The following TAS1R3 variants were observed in gnomAD, a reference collection of about 807,000 sequenced individuals.
TAS1R3 encodes the protein taste receptor type 1 member 3.
Under a neutral mutation model 46.1 loss-of-function variants are expected in TAS1R3, and 58 were observed. That is an observed-to-expected ratio of 1.26 (90% CI 1.02 to 1.57). TAS1R3 has a LOEUF of 1.57. Ranked by LOEUF, TAS1R3 falls within the 40% of genes most tolerant of loss-of-function variation. TAS1R3 has a pLI of 0.00. For missense variants in TAS1R3, 1,422 were observed against 1,185.8 expected, an observed-to-expected ratio of 1.20 and a Z score of -2.93; for synonymous variants, 724 against 544.7, an observed-to-expected ratio of 1.33 and a Z score of -4.58.
rs150951082 is a variant in TAS1R3, at chr1:1,332,551, G to A, written c.1020G>A (p.Thr340=). ...QLHEFPQYVK[T]HLALATDPAF... is the part of the protein sequence containing the mutation. ...ACGAGTTCCCCCAGTACGTGAAGAC[G>A]CACCTGGCCCTGGCCACCGACCCGG... The change falls in exon 3 of 6, where the codon ACG becomes ACA. Residue 340 remains threonine (T), a synonymous_variant. Transcript: ENST00000339381. 451 of 1,611,548 alleles carry A rather than the reference G, an allele frequency of 2.8e-4. No homozygotes were observed. Among genetic ancestry groups the A allele is most frequent in the Non-Finnish European group, 3.4e-4 (401 of 1,179,944 alleles).
Position 1,334,836 on chromosome 1 carries a change from C to T in TAS1R3, c.*372C>T, listed in dbSNP as rs1317262283. The T allele has an allele frequency of 3.9e-5, 8 of 206,630 alleles. No individual in the cohort carries two copies. The highest frequency in any genetic ancestry group is 1.2e-4 in the East Asian group (1 of 8,298). 12.8% of individuals were successfully genotyped at this position (206,630 alleles called of 1,614,324 possible). ...GCTGGAAGCCCAAATCAGGCCCTGC[C>T]GACCTGACCATGTCCCACCAGGGCC... On this transcript the variant is annotated 3_prime_UTR_variant, in exon 6 of 6. Transcript: ENST00000339381.
chr1:1,333,057 TG>T lies in TAS1R3; in HGVS notation c.1415del (p.Gly472AlafsTer12). 1 of 1,612,708 alleles carries T rather than the reference TG, an allele frequency of 6.2e-7. No homozygotes were observed. The highest frequency in any genetic ancestry group is 8.5e-7 in the Non-Finnish European group (1 of 1,179,914). On this transcript the variant is annotated frameshift_variant, in exon 4 of 6. Coordinates refer to ENST00000339381, the MANE Select transcript of TAS1R3 (RefSeq NM_152228.3). LOFTEE classifies it high-confidence loss of function. Reference sequence around the variant, plus strand: ...GGCTCAGTGCCCAGGCTCCACGACGTGGGCAGGTTCAACGGCAGCCTCAGGA... The same window carrying T: ...GGCTCAGTGCCCAGGCTCCACGACGTGGCAGGTTCAACGGCAGCCTCAGGA... The part of the protein sequence containing the change: ...WQGSVPRLHD[V>X]GRFNGSLRTE...
At position 1,332,080 on chromosome 1, in the gene TAS1R3, C is replaced by T; in HGVS notation, c.549C>T (p.Phe183=). ...LLSARETFPS[F]FRTVPSDRVQ... is the part of the protein sequence containing the mutation. ...GCGCCCGGGAGACCTTCCCCTCCTT[C>T]TTCCGCACCGTGCCCAGCGACCGTG... is the stretch of plus-strand genomic sequence containing the variant. The change falls in exon 3 of 6, where the codon TTC becomes TTT. Residue 183 remains phenylalanine, a synonymous_variant. Coordinates refer to ENST00000339381, the MANE Select transcript of TAS1R3 (RefSeq NM_152228.3). 2 of 1,602,530 alleles carry T rather than the reference C, an allele frequency of 1.2e-6. No homozygotes were observed.
rs1643485883 is a variant in TAS1R3 at position 1,333,678 on chromosome 1, T to C, written c.1773T>C (p.Val591=). 1 of 1,612,010 alleles carries C rather than the reference T, an allele frequency of 6.2e-7. No individual in the cohort carries two copies. Among genetic ancestry groups the C allele is most frequent in the Non-Finnish European group, 8.5e-7 (1 of 1,179,860 alleles). Residue 591 remains valine (V), a synonymous_variant, in exon 6 of 6, where the codon GTT becomes GTC. Transcript: ENST00000339381. ...TGCTGGCTGCTTTGGGGCTGTTCGTTCACCATCGGGACAGCCCACTGGTTC... is the reference window on the plus strand; with the variant it reads ...TGCTGGCTGCTTTGGGGCTGTTCGTCCACCATCGGGACAGCCCACTGGTTC... The part of the protein sequence containing the change: ...GLVLAALGLF[V]HHRDSPLVQA...
intron 5 of TAS1R3, 27 bp downstream of exon 5, chr1:1,333,406 G>A (rs1302631941): frequency 1.2e-6 from 2 of 1,611,072 alleles, no homozygotes; most frequent in African/African-American, 1.3e-5. Flanking sequence ...GCAGGCGGGG[G>A]TGGGAACGCA....
rs963261103 is a variant in TAS1R3 at position 1,333,595 on chromosome 1, T to G, written c.1690T>G (p.Trp564Gly). Residue 564 changes from tryptophan to glycine, a missense_variant, in exon 6 of 6, where the codon TGG (tryptophan) becomes GGG (glycine). Physicochemically the swap from Trp to Gly is radical, Grantham distance 184. Coordinates refer to ENST00000339381, the MANE Select transcript of TAS1R3 (RefSeq NM_152228.3). ...CFRRRSRFLA[W>G]GEPAVLLLLL... Reference sequence around the variant, plus strand: ...CCGCCGCAGGTCTCGGTTCCTGGCATGGGGCGAGCCGGCTGTGCTGCTGCT... The same window carrying G: ...CCGCCGCAGGTCTCGGTTCCTGGCAGGGGGCGAGCCGGCTGTGCTGCTGCT... The G allele has an allele frequency of 1.2e-6, 2 of 1,609,062 alleles. No individual in the cohort carries two copies. Among genetic ancestry groups the G allele is most frequent in the Admixed American group, 3.3e-5 (2 of 60,018 alleles).
rs373372707 is a variant in TAS1R3, at chr1:1,332,780, G to A, written c.1249G>A (p.Ala417Thr). ...TCAGTGCAACGCCTCAGGCTGCCCC[G>A]CGCAGGACCCCGTGAAGCCCTGGCA... Reference protein sequence around the residue: ...TLQCNASGCPAQDPVKPWQLL... With the variant: ...TLQCNASGCPTQDPVKPWQLL... Residue 417 changes from alanine to threonine, a missense_variant, in exon 3 of 6, where the codon GCG becomes ACG. Ala to Thr is a moderately conservative substitution (Grantham distance 58). Transcript: ENST00000339381. 1.9e-5 allele frequency: 31 copies of A among 1,605,306 alleles called. No homozygotes were observed. The highest frequency in any genetic ancestry group is 6.7e-5 in the East Asian group (3 of 44,820).
Position 1,332,337 on chromosome 1 carries a change from A to C in TAS1R3, c.806A>C (p.Gln269Pro), listed in dbSNP as rs1217490632. ...VLHQVNQSSV[Q>P]VVLLFASVHA... ...CACCAGGTGAACCAGAGCAGCGTGC[A>C]GGTGGTGCTGCTGTTCGCCTCCGTG... Residue 269 changes from glutamine to proline, a missense_variant, in exon 3 of 6, where the codon CAG becomes CCG. Gln to Pro is a moderately conservative substitution (Grantham distance 76). Transcript: ENST00000339381. 3.7e-6 allele frequency: 6 copies of C among 1,603,182 alleles called. No homozygotes were observed. Among genetic ancestry groups the C allele is most frequent in the South Asian group, 1.1e-5 (1 of 90,298 alleles).
rs370629397 is a variant in TAS1R3 at position 1,332,011 on chromosome 1, T to A, written c.493-13T>A. 19 of 1,480,368 alleles carry A rather than the reference T, an allele frequency of 1.3e-5. No homozygotes were observed. The African/African-American group carries it at 2.1e-4, about 17-fold the overall frequency. The allele number at this position is 1,480,368 out of a possible 1,614,324, so 91.7% of individuals were successfully genotyped here. A position where few individuals can be genotyped will look rare whatever the true frequency, so the allele number is the denominator to read the frequency against. ...GAGCCCCTGTGTCAGGAGATGCCTC[T>A]TGGCCCTTGCAGGTCAGCTACGGTG... On this transcript the variant is annotated splice_polypyrimidine_tract_variant and intron_variant, in intron 2 of 5. Coordinates refer to ENST00000339381, the MANE Select transcript of TAS1R3 (RefSeq NM_152228.3).
At chr1:1,333,432 G>A in intron 5 of TAS1R3, 53 bp downstream of exon 5, 1 of 1,607,694 alleles carries the variant, frequency 6.2e-7, no homozygotes. Flanking sequence ...GGAGGGTCCT[G>A]CCAAGTCCTG....
At position 1,332,020 on chromosome 1, in the gene TAS1R3, G is replaced by A. The variant is rs778222354; in HGVS notation, c.493-4G>A. 3.8e-6 allele frequency: 6 copies of A among 1,585,450 alleles called. No individual in the cohort carries two copies. In the Admixed American group the frequency reaches 6.9e-5, roughly 18 times the overall value. On this transcript the variant is annotated splice_polypyrimidine_tract_variant and splice_region_variant and intron_variant, in intron 2 of 5. Coordinates refer to ENST00000339381, the MANE Select transcript of TAS1R3 (RefSeq NM_152228.3). ...TGTCAGGAGATGCCTCTTGGCCCTT[G>A]CAGGTCAGCTACGGTGCTAGCATGG...
chr1:1,334,635 CCT>C lies in TAS1R3; in HGVS notation c.*172_*173del, dbSNP rs1643516091. 1 of 726,912 alleles carries C rather than the reference CCT, an allele frequency of 1.4e-6. No homozygotes were observed. Among genetic ancestry groups the C allele is most frequent in the East Asian group, 2.8e-5 (1 of 36,152 alleles). 45.0% of individuals were successfully genotyped at this position (726,912 alleles called of 1,614,324 possible). A position where few individuals can be genotyped will look rare whatever the true frequency, so the allele number is the denominator to read the frequency against. On this transcript the variant is annotated 3_prime_UTR_variant, in exon 6 of 6. Coordinates refer to ENST00000339381, the MANE Select transcript of TAS1R3 (RefSeq NM_152228.3). Reference sequence around the variant, plus strand: ...CCTAGGCCTGGAGCACGTGGACACCCCTGTGACCATCTGGGCCCCAGAGCCAA... The same window carrying C: ...CCTAGGCCTGGAGCACGTGGACACCCGTGACCATCTGGGCCCCAGAGCCAA...
rs1265359369 is a variant in TAS1R3, at chr1:1,332,738, G to T, written c.1207G>T (p.Ala403Ser). ...CGCAGCTGTGTATAGCGTGGCCCAG[G>T]CCCTGCACAACACTCTTCAGTGCAA... is the stretch of plus-strand genomic sequence containing the variant. Reference protein sequence around the residue: ...VYAAVYSVAQALHNTLQCNAS... With the variant: ...VYAAVYSVAQSLHNTLQCNAS... Residue 403 changes from alanine to serine, a missense_variant, in exon 3 of 6, where the codon GCC becomes TCC. By Grantham distance (99) the Ala-to-Ser change is moderately conservative (BLOSUM62 1). Transcript: ENST00000339381. The T allele has an allele frequency of 6.2e-7, 1 of 1,604,946 alleles. No individual in the cohort carries two copies. The highest frequency in any genetic ancestry group is 8.5e-7 in the Non-Finnish European group (1 of 1,179,906).
At position 1,331,893 on chromosome 1, in the gene TAS1R3, C is replaced by T. The variant is rs772201708; in HGVS notation, c.447C>T (p.Leu149=). 4 of 1,612,550 alleles carry T rather than the reference C, an allele frequency of 2.5e-6. No homozygotes were observed. In the South Asian group the frequency reaches 3.3e-5, roughly 13 times the overall value. The change falls in exon 2 of 6, where the codon CTC becomes CTT. Residue 149 remains leucine (L), a synonymous_variant. Transcript: ENST00000339381. ...LAVIGPHSSE[L]AMVTGKFFSF... The stretch of plus-strand genomic sequence containing the variant: ...TCATCGGGCCCCACTCGTCAGAGCT[C>T]GCCATGGTCACCGGCAAGTTCTTCA...
At position 1,334,439 on chromosome 1, in the gene TAS1R3, C is replaced by T. The variant is rs1297100231; in HGVS notation, c.2534C>T (p.Thr845Ile). Residue 845 changes from threonine to isoleucine, a missense_variant, in exon 6 of 6, where the codon ACA (threonine) becomes ATA (isoleucine). Thr to Ile is a moderately conservative substitution (Grantham distance 89, BLOSUM62 -1). Transcript: ENST00000339381. The stretch of plus-strand genomic sequence containing the variant: ...GCCCAAGGCCAGAATGACGGGAACA[C>T]AGGAAATCAGGGGAAACATGAGTGA... Reference protein sequence around the residue: ...GDAQGQNDGNTGNQGKHE With the variant: ...GDAQGQNDGNIGNQGKHE 6.3e-7 allele frequency: 1 copy of T among 1,583,130 alleles called. No individual in the cohort carries two copies. The highest frequency in any genetic ancestry group is 1.1e-5 in the South Asian group (1 of 88,666).
rs1335872874 is a variant in TAS1R3, at chr1:1,334,030, A to G, written c.2125A>G (p.Thr709Ala). ...GGTGGCCTTCCCGCCGGAGGTGGTG[A>G]CGGACTGGCACATGCTGCCCACGGA... ...YLVAFPPEVV[T>A]DWHMLPTEAL... The change falls in exon 6 of 6, where the codon ACG becomes GCG. Residue 709 changes from threonine (T) to alanine (A), a missense_variant. Thr to Ala is a moderately conservative substitution (Grantham distance 58). Coordinates refer to ENST00000339381, the MANE Select transcript of TAS1R3 (RefSeq NM_152228.3). 20 of 1,601,312 alleles carry G rather than the reference A, an allele frequency of 1.2e-5. No individual in the cohort carries two copies. The highest frequency in any genetic ancestry group is 1.7e-5 in the Admixed American group (1 of 59,940).
chr1:1,333,753 G>A lies in TAS1R3; in HGVS notation c.1848G>A (p.Leu616=). ...LACFGLVCLG[L]VCLSVLLFPG... ...GCTTTGGCCTGGTGTGCCTGGGCCT[G>A]GTCTGCCTCAGCGTCCTCCTGTTCC... The change falls in exon 6 of 6, where the codon CTG becomes CTA. Residue 616 remains leucine (L), a synonymous_variant. Transcript: ENST00000339381. 1 of 1,599,668 alleles carries A rather than the reference G, an allele frequency of 6.3e-7. No homozygotes were observed.
chr1:1,334,117 G>A lies in TAS1R3; in HGVS notation c.2212G>A (p.Ala738Thr), dbSNP rs1308128086. Residue 738 changes from alanine (A) to threonine (T), a missense_variant, in exon 6 of 6, where the codon GCC (alanine) becomes ACC (threonine). Transcript: ENST00000339381. ...VSFGLAHATN[A>T]TLAFLCFLGT... ...CTTCGGCCTAGCGCACGCCACCAAT[G>A]CCACGCTGGCCTTTCTCTGCTTCCT... The A allele has an allele frequency of 1.3e-6, 2 of 1,580,256 alleles. No homozygotes were observed. Among genetic ancestry groups the A allele is most frequent in the South Asian group, 1.1e-5 (1 of 87,984 alleles).
In TAS1R3 at chr1:1,332,767, C is replaced by G; in HGVS notation, c.1236C>G (p.Ala412=). 6.2e-7 allele frequency: 1 copy of G among 1,606,240 alleles called. No homozygotes were observed. Among genetic ancestry groups the G allele is most frequent in the South Asian group, 1.1e-5 (1 of 91,068 alleles). Residue 412 remains alanine, a synonymous_variant, in exon 3 of 6, where the codon GCC becomes GCG. Transcript: ENST00000339381. Reference sequence around the variant, plus strand: ...TGCACAACACTCTTCAGTGCAACGCCTCAGGCTGCCCCGCGCAGGACCCCG... The same window carrying G: ...TGCACAACACTCTTCAGTGCAACGCGTCAGGCTGCCCCGCGCAGGACCCCG... ...QALHNTLQCN[A]SGCPAQDPVK...
Sources: gnomAD v4.1 joint callset for allele counts on GRCh38, gnomAD v4.1.1 for gene constraint, MANE v1.5 for transcripts, NCBI Gene and HGNC (gene_info 2026-07-23, HGNC 2026-07-21) for gene names.